The following AK5 variants were observed in gnomAD, a reference collection of about 807,000 sequenced individuals.
AK5 encodes the protein adenylate kinase isoenzyme 5.
A neutral mutation model predicts 69.5 loss-of-function variants in AK5; 27 were observed. The ratio of observed to expected loss-of-function variants is 0.39; its 90% CI spans 0.29 to 0.54. The LOEUF (loss-of-function observed/expected upper bound fraction) is 0.54. Ranked by LOEUF, AK5 falls within the 20% of genes least tolerant of loss-of-function variation. AK5 has a pLI of 0.71. For synonymous variants in AK5, 260 were observed against 244.4 expected, an observed-to-expected ratio of 1.06 and a Z score of -0.60; for missense variants, 531 against 700.4, an observed-to-expected ratio of 0.76 and a Z score of 2.73.
At chr1:77,361,108 C>T (rs973232062) in intron 6 of AK5, among the ~76,000 whole-genome samples, 1 of 152,210 alleles carries the variant, frequency 6.6e-6, no homozygotes, top group African/African-American at 2.4e-5. Context: ...ACTTGAGATG[C>T]TCTGGCTCTT....
intron 8 of AK5, among the ~76,000 whole-genome samples, chr1:77,461,323 G>A (rs970485336): frequency 2.0e-5 from 3 of 151,222 alleles, no homozygotes; most frequent in Non-Finnish European, 4.4e-5. Context: ...GTGAGCCACC[G>A]CACCCGGCCC....
chr1:77,394,832 G>C (rs946517240), intron 6 of AK5, among the ~76,000 whole-genome samples: 5 of 152,060 alleles, frequency 3.3e-5, no homozygotes, highest in Non-Finnish European at 7.4e-5. Context: ...ATAAATATTG[G>C]TTGAGTCATA....
At chr1:77,286,013 A>G (rs968277275) in intron 1 of AK5, among the ~76,000 whole-genome samples, 2 of 152,166 alleles carry the variant, frequency 1.3e-5, no homozygotes, top group African/African-American at 4.8e-5. Context: ...TTCAGTATAA[A>G]TGACAAGTAT....
chr1:77,347,329 A>C (rs994293557), intron 6 of AK5, among the ~76,000 whole-genome samples: 1 of 152,170 alleles, frequency 6.6e-6, no homozygotes, highest in Non-Finnish European at 1.5e-5. Context: ...TCCATTTTTG[A>C]CTGGAATAAA....
chr1:77,378,519 C>G (rs1557544271), intron 6 of AK5, among the ~76,000 whole-genome samples: 1 of 152,090 alleles, frequency 6.6e-6, no homozygotes, highest in African/African-American at 2.4e-5. Context: ...AGGGTTTCAC[C>G]CATGTTGATC....
intron 8 of AK5, among the ~76,000 whole-genome samples, chr1:77,470,298 A>C (rs924241028): frequency 6.6e-6 from 1 of 152,156 alleles, no homozygotes; most frequent in Non-Finnish European, 1.5e-5. Context: ...TGAGCTCAGG[A>C]GTTCAAGACC....
intron 6 of AK5, among the ~76,000 whole-genome samples, chr1:77,396,167 C>G (rs1038126232): frequency 3.3e-5 from 5 of 152,104 alleles, no homozygotes; most frequent in Non-Finnish European, 5.9e-5. Context: ...GAGTAACTAC[C>G]CATAGAGTTG....
chr1:77,383,531 C>G (rs541795701), intron 6 of AK5, among the ~76,000 whole-genome samples: 5 of 151,990 alleles, frequency 3.3e-5, no homozygotes, highest in African/African-American at 1.2e-4. Context: ...CAAAAAAATG[C>G]TAAATATCTG....
chr1:77,299,594 T>C (rs1223292791), intron 5 of AK5, among the ~76,000 whole-genome samples: 1 of 152,172 alleles, frequency 6.6e-6, no homozygotes, highest in African/African-American at 2.4e-5. Context: ...GCTTAAAGGC[T>C]TGGTTCTAAT....
At chr1:77,481,850 C>T (rs530224182) in intron 8 of AK5, among the ~76,000 whole-genome samples, 33 of 152,316 alleles carry the variant, frequency 2.2e-4, no homozygotes, top group African/African-American at 7.2e-4. Flanking sequence ...CTCACTGTGC[C>T]ACTTTTTCCA....
At chr1:77,337,622 A>G (rs1046143447) in intron 5 of AK5, among the ~76,000 whole-genome samples, 1 of 152,208 alleles carries the variant, frequency 6.6e-6, no homozygotes, top group Non-Finnish European at 1.5e-5. Context: ...AAAAGCTTTA[A>G]CTTCAGGTAA....
At chr1:77,536,089 T>C in intron 13 of AK5, 51 bp downstream of exon 13, 6 of 1,533,692 alleles carry the variant, frequency 3.9e-6, no homozygotes, top group Non-Finnish European at 5.3e-6. Context: ...CTTTTTTTTT[T>C]TTTTCCAAGA....
At chr1:77,434,333 C>T (rs918917406) in intron 8 of AK5, among the ~76,000 whole-genome samples, 10 of 152,152 alleles carry the variant, frequency 6.6e-5, no homozygotes, top group East Asian at 3.9e-4. Flanking sequence ...CATCACTTAT[C>T]GTTTGACAAT....
chr1:77,486,655 G>T (rs778302063), intron 10 of AK5, among the ~76,000 whole-genome samples: 11 of 150,400 alleles, frequency 7.3e-5, no homozygotes, highest in Admixed American at 2.0e-4. Context: ...CCGAGATCGC[G>T]CCACTGCACT....
At chr1:77,382,227 A>ATTTTTTTTT (rs11306378) in intron 6 of AK5, among the ~76,000 whole-genome samples, 1 of 136,734 alleles carries the variant, frequency 7.3e-6, no homozygotes, top group Non-Finnish European at 1.6e-5. Context: ...TAATCTTTTA[A>ATTTTTTTTT]TTTTTTTTTT....
At chr1:77,380,585 T>G (rs1223842813) in intron 6 of AK5, among the ~76,000 whole-genome samples, 2 of 152,236 alleles carry the variant, frequency 1.3e-5, no homozygotes, top group Admixed American at 6.5e-5. Context: ...AATCATTTAT[T>G]AAGCATCTTC....
chr1:77,306,344 T>C (rs1056526564), intron 5 of AK5, among the ~76,000 whole-genome samples: 4 of 152,170 alleles, frequency 2.6e-5, no homozygotes, highest in African/African-American at 9.6e-5. Context: ...GATCATGTGA[T>C]TTTTACCCAT....
chr1:77,514,640 G>T (rs1020067124), intron 10 of AK5, among the ~76,000 whole-genome samples: 4 of 152,198 alleles, frequency 2.6e-5, no homozygotes, highest in Non-Finnish European at 5.9e-5. Context: ...CTAAAAATTT[G>T]CAGCTGTTGC....
intron 5 of AK5, among the ~76,000 whole-genome samples, chr1:77,329,566 T>C (rs1660983728): frequency 6.6e-6 from 1 of 152,102 alleles, no homozygotes; most frequent in South Asian, 2.1e-4. Flanking sequence ...GCCATATGAA[T>C]TTGCATTTCT....
Sources: gnomAD v4.1 joint callset for allele counts (sites outside exome capture counted in the v4.1 genomes callset) on GRCh38, gnomAD v4.1.1 for gene constraint, MANE v1.5 for transcripts, NCBI Gene and HGNC (gene_info 2026-07-23, HGNC 2026-07-21) for gene names.